MTUS2: variants seen among roughly 807,000 people sequenced by gnomAD.
MTUS2 encodes the protein microtubule-associated tumor suppressor candidate 2.
A neutral mutation model predicts 114.1 loss-of-function variants in MTUS2; 40 were observed. The ratio of observed to expected loss-of-function variants is 0.35; its 90% CI spans 0.27 to 0.46. The LOEUF (loss-of-function observed/expected upper bound fraction) is 0.46. MTUS2 is among the 20% of genes least tolerant of loss of function. MTUS2 has a pLI of 1.00. For missense variants in MTUS2, 1,679 were observed against 1,705.4 expected (o/e 0.98, Z 0.27); for synonymous variants, 688 against 672.0 (o/e 1.02, Z -0.37).
intron 2 of MTUS2, among the ~76,000 whole-genome samples, chr13:28,883,335 C>A (rs1235719962): frequency 6.6e-6 from 1 of 152,154 alleles, no homozygotes; most frequent in Non-Finnish European, 1.5e-5. Flanking sequence ...TATTTTCATA[C>A]ATGAACCTGC....
intron 4 of MTUS2, among the ~76,000 whole-genome samples, chr13:29,100,443 G>A (rs1341726707): frequency 6.6e-6 from 1 of 152,078 alleles, no homozygotes; most frequent in African/African-American, 2.4e-5. Context: ...ATAACTATTC[G>A]CTTTCACTCA....
chr13:29,430,091 C>G (rs1181541909), intron 8 of MTUS2, among the ~76,000 whole-genome samples: 1 of 152,188 alleles, frequency 6.6e-6, no homozygotes, highest in Non-Finnish European at 1.5e-5. Context: ...GCTCAATTGT[C>G]TGCACATCTA....
rs763905859 is a variant in MTUS2 at position 29,025,106 on chromosome 13, G to T, written c.408G>T (p.Arg136Ser). 6.2e-7 allele frequency: 1 copy of T among 1,613,992 alleles called. No homozygotes were observed. The highest frequency in any genetic ancestry group is 1.7e-5 in the Admixed American group (1 of 60,026). The change falls in exon 3 of 16, where the codon AGG becomes AGT. Residue 136 changes from arginine (R) to serine (S), a missense_variant. Arg to Ser is a moderately radical substitution (Grantham distance 110). Around this residue, in one of 3 missense-constraint regions of MTUS2, gnomAD observed 843 missense variants for 770.8 expected, o/e 1.09. Transcript: ENST00000612955. ...AGGGACCAAGTCTGTCGAGTTGGAG[G>T]AATGTGATGAGTGAGGCCAGTCTAG... ...SIQGPSLSSWRNVMSEASLDV... is the reference protein window; with the variant it reads ...SIQGPSLSSWSNVMSEASLDV...
chr13:28,958,917 A>T (rs561482314), intron 2 of MTUS2, among the ~76,000 whole-genome samples: 1 of 152,352 alleles, frequency 6.6e-6, no homozygotes, highest in East Asian at 1.9e-4. Context: ...ATTTTTAAAA[A>T]ATTAGTATTT....
At chr13:28,920,530 C>A (rs977610207) in intron 2 of MTUS2, among the ~76,000 whole-genome samples, 1 of 152,134 alleles carries the variant, frequency 6.6e-6, no homozygotes, top group African/African-American at 2.4e-5. Context: ...CTGGGTCTTT[C>A]CCAAGGCCCA....
At chr13:29,400,183 C>T (rs549195166) in intron 8 of MTUS2, among the ~76,000 whole-genome samples, 69 of 152,316 alleles carry the variant, frequency 4.5e-4, no homozygotes, top group African/African-American at 1.2e-3. Context: ...CCCACCCACA[C>T]ACTCTCCTTA....
At position 28,946,303 on chromosome 13, in the gene MTUS2, G is replaced by GCA. The variant is rs1566243021; in HGVS notation, c.-242-78154_-242-78153insCA. 2.8e-3 allele frequency among the ~76,000 whole-genome samples: 414 copies of GCA among 148,532 alleles called. 29 individuals are homozygous for GCA. Among genetic ancestry groups the GCA allele is most frequent in the African/African-American group, 9.6e-3 (375 of 39,006 alleles). ...TGTGTGTGTGTGTGTGTGTGTGTGT[G>GCA]TGCGCGCGCACATACCTGCGTGCAA... On this transcript the variant is annotated intron_variant, in intron 2 of 15. Transcript: ENST00000612955.
intron 5 of MTUS2, among the ~76,000 whole-genome samples, chr13:29,250,806 A>G (rs1897097769): frequency 1.3e-5 from 2 of 152,184 alleles, no homozygotes; most frequent in African/African-American, 2.4e-5. Flanking sequence ...AGTACCAAGA[A>G]TTTCTAGTTT....
intron 2 of MTUS2, among the ~76,000 whole-genome samples, chr13:28,987,982 A>G (rs1884665372): frequency 6.6e-6 from 1 of 152,248 alleles, no homozygotes; most frequent in African/African-American, 2.4e-5. Flanking sequence ...GCTGTGCAAT[A>G]GAATCCTAAA....
At chr13:29,295,579 C>T (rs1273287720) in intron 6 of MTUS2, among the ~76,000 whole-genome samples, 1 of 152,222 alleles carries the variant, frequency 6.6e-6, no homozygotes, top group African/African-American at 2.4e-5. Context: ...CAAGCTCATC[C>T]ATGTTGCTGC....
chr13:29,328,125 ATTCT>A (rs1175991428), intron 7 of MTUS2, among the ~76,000 whole-genome samples: 5 of 152,160 alleles, frequency 3.3e-5, no homozygotes, highest in Non-Finnish European at 5.9e-5. Flanking sequence ...TCTGGATATA[ATTCT>A]TTCTTATGTT....
At chr13:29,109,096 G>T (rs139550453) in intron 5 of MTUS2, among the ~76,000 whole-genome samples, 1 of 152,014 alleles carries the variant, frequency 6.6e-6, no homozygotes, top group African/African-American at 2.4e-5. Context: ...TTTATTTTTT[G>T]TTTTATTTTA....
chr13:29,377,095 T>C (rs1162535378), intron 8 of MTUS2, among the ~76,000 whole-genome samples: 4 of 152,124 alleles, frequency 2.6e-5, no homozygotes, highest in African/African-American at 9.7e-5. Context: ...TACAGACCTT[T>C]AAAGCACATC....
intron 8 of MTUS2, among the ~76,000 whole-genome samples, chr13:29,364,661 A>T (rs899267667): frequency 6.6e-6 from 1 of 152,174 alleles, no homozygotes; most frequent in Non-Finnish European, 1.5e-5. Context: ...AAATTCAGGG[A>T]TTCATCAGAA....
rs1566163626 is a variant in MTUS2 at position 29,375,599 on chromosome 13, AT to A, written c.3117+16127del. Among the ~76,000 whole-genome samples the A allele has an allele frequency of 1.3e-3, 6 of 4,574 alleles. 1 individual carries two copies. The highest frequency in any genetic ancestry group is 1.8e-3 in the African/African-American group (4 of 2,278). The allele number at this position is 4,574 out of a possible 152,430, so 3.0% of individuals were successfully genotyped here. ...CATATATATATATACGTATATATAT[AT>A]ATATATACGTATATATATATATATA... On this transcript the variant is annotated intron_variant, in intron 8 of 15. Coordinates refer to ENST00000612955, the MANE Select transcript of MTUS2 (RefSeq NM_001033602.4).
At chr13:28,914,735 C>T (rs1263050141) in intron 2 of MTUS2, among the ~76,000 whole-genome samples, 2 of 152,080 alleles carry the variant, frequency 1.3e-5, no homozygotes, top group Non-Finnish European at 2.9e-5. Flanking sequence ...TTGTAGGTCT[C>T]TAAGAACTTG....
intron 8 of MTUS2, among the ~76,000 whole-genome samples, chr13:29,394,799 G>T (rs907400113): frequency 6.6e-6 from 1 of 152,182 alleles, no homozygotes; most frequent in Non-Finnish European, 1.5e-5. Context: ...AGCAGCATTC[G>T]ATTCTCATAG....
At chr13:28,833,942 GAT>G (rs1372009007) in intron 1 of MTUS2, among the ~76,000 whole-genome samples, 1 of 152,034 alleles carries the variant, frequency 6.6e-6, no homozygotes, top group Non-Finnish European at 1.5e-5. Context: ...AAAAGAATAA[GAT>G]ATTTAGGAAC....
intron 4 of MTUS2, among the ~76,000 whole-genome samples, chr13:29,041,201 GGTGTGCTTTCTCC>G (rs1887340585): frequency 6.6e-6 from 1 of 152,068 alleles, no homozygotes; most frequent in South Asian, 2.1e-4. Flanking sequence ...TGTTGAATAT[GGTGTGCTTTCTCC>G]AGTTTATGTT....
Sources: allele counts gnomAD v4.1 joint callset (sites outside exome capture counted in the v4.1 genomes callset), GRCh38; gene constraint gnomAD v4.1.1; regional missense constraint gnomAD v4.1.1; transcripts MANE v1.5; gene names NCBI Gene and HGNC (gene_info 2026-07-23, HGNC 2026-07-21).